Variants in SLC25A26 observed in about 807,000 individuals in gnomAD.
The protein encoded by SLC25A26 is solute carrier family 25 member 26.
Under a neutral mutation model 37.8 loss-of-function variants are expected in SLC25A26, and 36 were observed. The ratio of observed to expected loss-of-function variants is 0.95; its 90% CI spans 0.73 to 1.26. The LOEUF is 1.26. Among genes scored for constraint, SLC25A26 ranks in the 50% most tolerant of loss-of-function variants. The probability of loss-of-function intolerance (pLI) is 0.00; values close to 1 mark genes in which losing one functional copy is unlikely to be tolerated. For missense variants in SLC25A26, 390 were observed against 331.1 expected (o/e 1.18, Z -1.38); for synonymous variants, 129 against 122.5 (o/e 1.05, Z -0.35).
chr3:66,264,066 G>A lies in SLC25A26; in HGVS notation c.453+687G>A, dbSNP rs1179276454. Reference sequence around the variant, plus strand: ...AGGCCGAGGCAGAAAGATCACCTGAGGCAAGTTCGAAACCAACCTGGCCAA... The same window carrying A: ...AGGCCGAGGCAGAAAGATCACCTGAAGCAAGTTCGAAACCAACCTGGCCAA... On this transcript the variant is annotated intron_variant, in intron 5 of 9. Transcript: ENST00000354883. Among the ~76,000 whole-genome samples the A allele has an allele frequency of 5.3e-5, 8 of 152,214 alleles. No homozygotes were observed. In the East Asian group the frequency reaches 1.4e-3, roughly 26 times the overall value.
intron 1 of SLC25A26, among the ~76,000 whole-genome samples, chr3:66,183,998 A>AC (rs1384524152): frequency 6.6e-6 from 1 of 151,562 alleles, no homozygotes; most frequent in Non-Finnish European, 1.5e-5. Context: ...CCATACTCTT[A>AC]CCCTTACCCT....
chr3:66,303,992 G>A (rs1484571826), intron 5 of SLC25A26, among the ~76,000 whole-genome samples: 1 of 152,170 alleles, frequency 6.6e-6, no homozygotes, highest in Non-Finnish European at 1.5e-5. Flanking sequence ...CCCCTCCATA[G>A]GCCCTTTTAC....
chr3:66,223,546 G>C (rs2071597844), intron 1 of SLC25A26, among the ~76,000 whole-genome samples: 1 of 152,228 alleles, frequency 6.6e-6, no homozygotes, highest in African/African-American at 2.4e-5. Context: ...TTGAGACACA[G>C]TGAACACTCC....
intron 5 of SLC25A26, among the ~76,000 whole-genome samples, chr3:66,282,366 G>A (rs1338207023): frequency 3.3e-5 from 5 of 152,018 alleles, no homozygotes; most frequent in East Asian, 1.9e-4. Context: ...GGCTAGTCTC[G>A]AACTCCCGAC....
chr3:66,307,643 C>G (rs751185642), intron 5 of SLC25A26, among the ~76,000 whole-genome samples: 2 of 152,070 alleles, frequency 1.3e-5, no homozygotes, highest in African/African-American at 2.4e-5. Context: ...TTAGGTCTTA[C>G]GTTTAAGTCT....
intron 1 of SLC25A26, among the ~76,000 whole-genome samples, chr3:66,202,641 A>G (rs1338353903): frequency 1.3e-5 from 2 of 152,258 alleles, no homozygotes; most frequent in East Asian, 3.9e-4. Flanking sequence ...ACACTTGTTC[A>G]ACAGCGAGAA....
chr3:66,279,937 A>C (rs1415889164), intron 5 of SLC25A26, among the ~76,000 whole-genome samples: 1 of 152,192 alleles, frequency 6.6e-6, no homozygotes, highest in Non-Finnish European at 1.5e-5. Context: ...TTCACAGGGT[A>C]AATGACAAAC....
intron 1 of SLC25A26, among the ~76,000 whole-genome samples, chr3:66,222,381 C>T (rs940370451): frequency 2.6e-4 from 39 of 152,160 alleles, no homozygotes; most frequent in African/African-American, 8.9e-4. Context: ...GGGGTTTCAC[C>T]GTGTTAGCCA....
intron 3 of SLC25A26, among the ~76,000 whole-genome samples, chr3:66,248,979 C>G (rs566559716): frequency 5.3e-5 from 8 of 152,212 alleles, no homozygotes; most frequent in Non-Finnish European, 1.2e-4. Flanking sequence ...AACATCTGAA[C>G]TTACACCCCA....
chr3:66,297,328 C>CAAA (rs34315256), intron 5 of SLC25A26, among the ~76,000 whole-genome samples: 1 of 106,408 alleles, frequency 9.4e-6, no homozygotes, highest in Non-Finnish European at 2.1e-5. Flanking sequence ...AACTCCATCT[C>CAAA]AAAAAAAAAA....
chr3:66,234,595 ATAAT>A (rs1191378029), intron 1 of SLC25A26, among the ~76,000 whole-genome samples: 6 of 152,210 alleles, frequency 3.9e-5, no homozygotes, highest in Admixed American at 6.5e-5. Flanking sequence ...TTAATTTTTA[ATAAT>A]TAACCTGTGC....
At chr3:66,229,112 A>T (rs781821659) in intron 1 of SLC25A26, among the ~76,000 whole-genome samples, 43 of 152,362 alleles carry the variant, frequency 2.8e-4, no homozygotes, top group Non-Finnish European at 4.4e-4. Flanking sequence ...TGGTACCAGC[A>T]AACTTTGAAG....
chr3:66,374,889 A>T (rs77098044), intron 9 of SLC25A26, among the ~76,000 whole-genome samples: 1 of 142,190 alleles, frequency 7.0e-6, no homozygotes, highest in South Asian at 2.3e-4. Flanking sequence ...AAAAAAAAAA[A>T]TTAATTAATT....
chr3:66,282,407 A>G (rs57921867), intron 5 of SLC25A26, among the ~76,000 whole-genome samples: 2,212 of 152,224 alleles, frequency 0.015, 62 homozygotes, highest in African/African-American at 0.05. Context: ...TGGCCTCCCA[A>G]AGTGCTGAGA....
chr3:66,234,166 C>T (rs1189989056), intron 1 of SLC25A26, among the ~76,000 whole-genome samples: 1 of 152,166 alleles, frequency 6.6e-6, no homozygotes, highest in Non-Finnish European at 1.5e-5. Flanking sequence ...AATCATAGCT[C>T]ACTGTAATCT....
intron 5 of SLC25A26, among the ~76,000 whole-genome samples, chr3:66,342,617 T>C (rs1432600398): frequency 3.3e-5 from 5 of 152,206 alleles, no homozygotes; most frequent in Admixed American, 2.6e-4. Flanking sequence ...TCCTACACTT[T>C]GTGATAGGTG....
intron 7 of SLC25A26, among the ~76,000 whole-genome samples, chr3:66,367,840 T>G (rs1297205213): frequency 6.6e-6 from 1 of 152,144 alleles, no homozygotes; most frequent in Non-Finnish European, 1.5e-5. Flanking sequence ...CACAAAAATT[T>G]AAAAGACACA....
At chr3:66,228,318 A>T (rs139343309) in intron 1 of SLC25A26, among the ~76,000 whole-genome samples, 1 of 152,176 alleles carries the variant, frequency 6.6e-6, no homozygotes, top group Non-Finnish European at 1.5e-5. Context: ...AGAAAGGCAT[A>T]CTTGGAAAGT....
chr3:66,210,518 T>C (rs984617400), intron 1 of SLC25A26, among the ~76,000 whole-genome samples: 24 of 151,948 alleles, frequency 1.6e-4, no homozygotes, highest in African/African-American at 5.8e-4. Context: ...CAACTGTGAC[T>C]CTTTTTTTTT....
Sources: allele counts gnomAD v4.1 joint callset (sites outside exome capture counted in the v4.1 genomes callset), GRCh38; gene constraint gnomAD v4.1.1; transcripts MANE v1.5; gene names NCBI Gene and HGNC (gene_info 2026-07-23, HGNC 2026-07-21).